ST6GALNAC5: variants seen among roughly 807,000 people sequenced by gnomAD.
ST6GALNAC5 encodes alpha-N-acetylgalactosaminide alpha-2,6-sialyltransferase 5.
ST6GALNAC5 carries 27 observed loss-of-function variants against 33.6 expected under a neutral mutation model. The ratio of observed to expected loss-of-function variants is 0.80; its 90% CI spans 0.59 to 1.11. ST6GALNAC5 has a LOEUF of 1.11. ST6GALNAC5 is among the 50% of genes least tolerant of loss of function. The pLI, the probability that ST6GALNAC5 is intolerant of heterozygous loss-of-function variation, is 0.00. For missense variants in ST6GALNAC5, 428 were observed against 454.0 expected (o/e 0.94, Z 0.52); for synonymous variants, 194 against 171.2 (o/e 1.13, Z -1.04).
chr1:76,938,115 G>A (rs1431355532), intron 2 of ST6GALNAC5, among the ~76,000 whole-genome samples: 2 of 152,092 alleles, frequency 1.3e-5, no homozygotes, highest in Non-Finnish European at 2.9e-5. Context: ...GAGTAGAGTT[G>A]TGAGTATAAG....
intron 2 of ST6GALNAC5, among the ~76,000 whole-genome samples, chr1:76,917,052 A>G (rs960356080): frequency 8.5e-5 from 13 of 152,316 alleles, no homozygotes; most frequent in African/African-American, 2.9e-4. Flanking sequence ...CTCAGGGTGA[A>G]TGAAAAGTCA....
At chr1:76,942,936 AG>A (rs1475475744) in intron 2 of ST6GALNAC5, among the ~76,000 whole-genome samples, 1 of 152,038 alleles carries the variant, frequency 6.6e-6, no homozygotes, top group Non-Finnish European at 1.5e-5. Flanking sequence ...TCCCTTCTAA[AG>A]GGGTATTTTG....
chr1:76,984,951 G>A (rs1437540398), intron 2 of ST6GALNAC5, among the ~76,000 whole-genome samples: 2 of 152,104 alleles, frequency 1.3e-5, no homozygotes, highest in Admixed American at 6.6e-5. Flanking sequence ...AAAGGCCTTC[G>A]GCAAAATTCA....
intron 4 of ST6GALNAC5, among the ~76,000 whole-genome samples, chr1:77,056,176 T>C (rs1652389991): frequency 1.3e-5 from 2 of 152,150 alleles, no homozygotes; most frequent in South Asian, 2.1e-4. Context: ...CATCAAAATA[T>C]ATTATTCAGT....
chr1:77,027,075 A>G (rs1012124704), intron 2 of ST6GALNAC5, among the ~76,000 whole-genome samples: 1 of 152,238 alleles, frequency 6.6e-6, no homozygotes, highest in African/African-American at 2.4e-5. Context: ...GACAGAAAGC[A>G]ACGAAAGTTA....
intron 2 of ST6GALNAC5, among the ~76,000 whole-genome samples, chr1:76,921,174 C>T (rs1454763507): frequency 2.0e-5 from 3 of 151,994 alleles, no homozygotes; most frequent in African/African-American, 4.8e-5. Flanking sequence ...GTGGCATGGC[C>T]GCAGAGGAGA....
rs368419689 is a variant in ST6GALNAC5 at position 76,914,440 on chromosome 1, C to A, written c.261+45698C>A. Reference sequence around the variant, plus strand: ...GCATCACGCTACCTGACTTCAAACTCTACTACAAGGCTACAGTAACCAAAA... The same window carrying A: ...GCATCACGCTACCTGACTTCAAACTATACTACAAGGCTACAGTAACCAAAA... On this transcript the variant is annotated intron_variant, in intron 2 of 4. Transcript: ENST00000477717. Among the ~76,000 whole-genome samples, 21 of 152,170 alleles carry A rather than the reference C, an allele frequency of 1.4e-4. No homozygotes were observed. The East Asian group carries it at 2.3e-3, about 17-fold the overall frequency.
chr1:76,871,894 G>A (rs186149745), intron 2 of ST6GALNAC5, among the ~76,000 whole-genome samples: 81 of 151,774 alleles, frequency 5.3e-4, no homozygotes, highest in Middle Eastern at 3.4e-3. Context: ...CATTTCCATC[G>A]TGTTACATGT....
chr1:76,912,727 T>C (rs1646927404), intron 2 of ST6GALNAC5, among the ~76,000 whole-genome samples: 3 of 152,192 alleles, frequency 2.0e-5, no homozygotes, highest in Middle Eastern at 3.4e-3. Context: ...GTCTGTTTTA[T>C]CAGAGACTAG....
At chr1:76,994,041 C>T (rs1313461415) in intron 2 of ST6GALNAC5, among the ~76,000 whole-genome samples, 1 of 152,164 alleles carries the variant, frequency 6.6e-6, no homozygotes, top group Non-Finnish European at 1.5e-5. Context: ...CAAACAACTA[C>T]AATGTCATTA....
intron 2 of ST6GALNAC5, among the ~76,000 whole-genome samples, chr1:76,976,502 A>G (rs1462460656): frequency 6.6e-6 from 1 of 152,130 alleles, no homozygotes; most frequent in Non-Finnish European, 1.5e-5. Flanking sequence ...ATAATTACCC[A>G]TTCTTTAAAG....
chr1:77,030,553 T>C (rs534255133), intron 2 of ST6GALNAC5, among the ~76,000 whole-genome samples: 1 of 152,278 alleles, frequency 6.6e-6, no homozygotes, highest in South Asian at 2.1e-4. Flanking sequence ...TCCAGGGAGT[T>C]GGAATCCAGA....
intron 2 of ST6GALNAC5, among the ~76,000 whole-genome samples, chr1:76,958,447 T>C (rs1648092768): frequency 6.6e-6 from 1 of 152,136 alleles, no homozygotes; most frequent in South Asian, 2.1e-4. Context: ...ATATTGACTT[T>C]GTGGGGATGT....
intron 4 of ST6GALNAC5, among the ~76,000 whole-genome samples, chr1:77,052,242 A>G (rs2100471878): frequency 6.6e-6 from 1 of 152,322 alleles, no homozygotes; most frequent in Admixed American, 6.5e-5. Context: ...GGAAAGGTTC[A>G]GTGCTGGAGA....
chr1:76,984,552 C>G (rs771954640), intron 2 of ST6GALNAC5, among the ~76,000 whole-genome samples: 1 of 152,064 alleles, frequency 6.6e-6, no homozygotes, highest in Non-Finnish European at 1.5e-5. Flanking sequence ...AATTCCAGGA[C>G]CAGAAGGATT....
intron 2 of ST6GALNAC5, among the ~76,000 whole-genome samples, chr1:76,878,385 A>G (rs1653697716): frequency 6.6e-6 from 1 of 152,112 alleles, no homozygotes; most frequent in East Asian, 1.9e-4. Context: ...TGTAAGTCAG[A>G]CCTGAGCTAA....
chr1:76,965,331 G>A (rs1570715397), intron 2 of ST6GALNAC5, among the ~76,000 whole-genome samples: 1 of 152,216 alleles, frequency 6.6e-6, no homozygotes, highest in African/African-American at 2.4e-5. Flanking sequence ...GTATCTCATT[G>A]TGGTTTTGAT....
intron 2 of ST6GALNAC5, among the ~76,000 whole-genome samples, chr1:76,984,704 C>T (rs1288366755): frequency 6.6e-6 from 1 of 152,136 alleles, no homozygotes; most frequent in Admixed American, 6.5e-5. Context: ...CTGGCAGAGA[C>T]ACAACAGAAA....
intron 4 of ST6GALNAC5, among the ~76,000 whole-genome samples, chr1:77,058,162 C>T (rs942715807): frequency 6.6e-6 from 1 of 152,250 alleles, no homozygotes; most frequent in African/African-American, 2.4e-5. Context: ...CTTAAGAGTA[C>T]AGAGTCAACT....
Sources: gnomAD v4.1 joint callset for allele counts (sites outside exome capture counted in the v4.1 genomes callset) on GRCh38, gnomAD v4.1.1 for gene constraint, MANE v1.5 for transcripts, NCBI Gene and HGNC (gene_info 2026-07-23, HGNC 2026-07-21) for gene names.